Variants in SBK1 observed in about 807,000 individuals in gnomAD.
The protein encoded by SBK1 is serine/threonine-protein kinase SBK1.
SBK1 carries 11 observed loss-of-function variants against 24.4 expected under a neutral mutation model. The ratio of observed to expected loss-of-function variants is 0.45; its 90% CI spans 0.28 to 0.75. The LOEUF (loss-of-function observed/expected upper bound fraction) is 0.75, where lower values mean the gene tolerates loss of function less well. Among genes scored for constraint, SBK1 ranks in the 30% least tolerant of loss-of-function variants. The pLI, the probability that SBK1 is intolerant of heterozygous loss-of-function variation, is 0.12. For synonymous variants in SBK1, 308 were observed against 284.4 expected, an observed-to-expected ratio of 1.08 and a Z score of -0.83; for missense variants, 467 against 620.5, an observed-to-expected ratio of 0.75 and a Z score of 2.63.
Position 28,292,616 on chromosome 16 carries a change from G to A in SBK1, c.-692G>A. 1.1e-5 allele frequency: 11 copies of A among 982,120 alleles called. No homozygotes were observed. The highest frequency in any genetic ancestry group is 1.3e-5 in the Non-Finnish European group (11 of 828,474). The allele number at this position is 982,120 out of a possible 1,614,324, so 60.8% of individuals were successfully genotyped here. On this transcript the variant is annotated 5_prime_UTR_variant, in exon 1 of 4. Coordinates refer to ENST00000341901, the MANE Select transcript of SBK1 (RefSeq NM_001024401.3). ...AGCTGGAGCCGCAGCCGGAGCCCGGGCCAGGCCGGGGGCCGGGAGCGCAGG... is the reference window on the plus strand; with the variant it reads ...AGCTGGAGCCGCAGCCGGAGCCCGGACCAGGCCGGGGGCCGGGAGCGCAGG...
chr16:28,311,138 G>A (rs1369869548), intron 1 of SBK1, among the ~76,000 whole-genome samples: 3 of 152,210 alleles, frequency 2.0e-5, no homozygotes, highest in African/African-American at 7.2e-5. Flanking sequence ...TGAGCCCTGG[G>A]AACCAGGAAA....
intron 1 of SBK1, among the ~76,000 whole-genome samples, chr16:28,314,764 A>C (rs571190876): frequency 6.6e-6 from 1 of 152,182 alleles, no homozygotes; most frequent in Non-Finnish European, 1.5e-5. Context: ...GGATCACCTG[A>C]GGTCAAGAGT....
chr16:28,280,505 T>C (rs1284600136), intron 1 of SBK1, among the ~76,000 whole-genome samples: 2 of 150,516 alleles, frequency 1.3e-5, no homozygotes, highest in East Asian at 4.0e-4. Flanking sequence ...CAGGACTCAA[T>C]TTCTACCCCC....
chr16:28,291,061 C>T (rs1449837420), upstream of SBK1: 1 of 152,212 alleles, frequency 6.6e-6, no homozygotes, highest in Non-Finnish European at 1.5e-5. Flanking sequence ...CCTGTAGGTA[C>T]TTGCGTTTGC....
At chr16:28,296,801 C>G (rs1289322151) in intron 1 of SBK1, among the ~76,000 whole-genome samples, 1 of 152,198 alleles carries the variant, frequency 6.6e-6, no homozygotes, top group East Asian at 1.9e-4. Context: ...GTCCCAGGGA[C>G]AGCAAACCCG....
At chr16:28,312,785 A>T (rs2044762523) in intron 1 of SBK1, among the ~76,000 whole-genome samples, 1 of 152,210 alleles carries the variant, frequency 6.6e-6, no homozygotes. Context: ...GGACTGTTTG[A>T]GCCCAGGAGT....
intron 1 of SBK1, among the ~76,000 whole-genome samples, chr16:28,313,257 T>C (rs2044766589): frequency 6.6e-6 from 1 of 152,118 alleles, no homozygotes; most frequent in Non-Finnish European, 1.5e-5. Context: ...GGGGCACCAC[T>C]GCACTCCAGC....
intron 1 of SBK1, among the ~76,000 whole-genome samples, chr16:28,295,191 G>A (rs2044629974): frequency 6.6e-6 from 1 of 152,148 alleles, no homozygotes; most frequent in Admixed American, 6.5e-5. Context: ...GGAGGACAAG[G>A]AGCAAGACCT....
At chr16:28,307,341 C>T (rs1483113807) in intron 1 of SBK1, among the ~76,000 whole-genome samples, 1 of 152,108 alleles carries the variant, frequency 6.6e-6, no homozygotes, top group Non-Finnish European at 1.5e-5. Flanking sequence ...CAAAATCATC[C>T]ATCCAATAGG....
intron 1 of SBK1, among the ~76,000 whole-genome samples, chr16:28,296,603 C>T (rs978824736): frequency 6.6e-6 from 1 of 152,200 alleles, no homozygotes; most frequent in African/African-American, 2.4e-5. Context: ...CTCCCACCCC[C>T]ATGGTCAAGT....
At chr16:28,302,987 G>A (rs1051308566) in intron 1 of SBK1, among the ~76,000 whole-genome samples, 17 of 151,988 alleles carry the variant, frequency 1.1e-4, no homozygotes, top group African/African-American at 3.1e-4. Context: ...GTGCAGTAGG[G>A]CAATCCTGGT....
At position 28,292,902 on chromosome 16, in the gene SBK1, C is replaced by G; in HGVS notation, c.-406C>G. On this transcript the variant is annotated 5_prime_UTR_variant, in exon 1 of 4. Transcript: ENST00000341901. ...CCCTACGGCACCGCAAGGACTCCCC[C>G]TCCTCAGTCTGGGCCCCCGCCCCAA... 1 of 978,962 alleles carries G rather than the reference C, an allele frequency of 1.0e-6. No homozygotes were observed. The highest frequency in any genetic ancestry group is 1.2e-6 in the Non-Finnish European group (1 of 824,052). The allele number at this position is 978,962 out of a possible 1,614,324, so 60.6% of individuals were successfully genotyped here.
chr16:28,316,019 C>G (rs893119702), intron 1 of SBK1, among the ~76,000 whole-genome samples: 2 of 152,162 alleles, frequency 1.3e-5, no homozygotes, highest in African/African-American at 4.8e-5. Flanking sequence ...GCCCACTCAG[C>G]CTCCCAAAGT....
chr16:28,280,199 A>G (rs1198281758), intron 1 of SBK1, among the ~76,000 whole-genome samples: 2 of 132,714 alleles, frequency 1.5e-5, no homozygotes, highest in African/African-American at 2.7e-5. Context: ...ATATGTACAT[A>G]TATGTATATA....
chr16:28,306,265 G>A (rs764051859), intron 1 of SBK1, among the ~76,000 whole-genome samples: 6 of 152,196 alleles, frequency 3.9e-5, no homozygotes, highest in Non-Finnish European at 7.4e-5. Flanking sequence ...GGGAGAGCCC[G>A]CTTGAGAATA....
chr16:28,320,486 G>A lies in SBK1; in HGVS notation c.840G>A (p.Gln280=). 6.4e-7 allele frequency: 1 copy of A among 1,573,884 alleles called. No individual in the cohort carries two copies. Among genetic ancestry groups the A allele is most frequent in the Non-Finnish European group, 8.6e-7 (1 of 1,166,680 alleles). ...QRGRLPGLPS[Q]WRRFTEPALR... is the part of the protein sequence containing the mutation. ...GCCGCCTGCCGGGGCTGCCTTCGCAGTGGCGCCGCTTCACCGAGCCCGCGC... is the reference window on the plus strand; with the variant it reads ...GCCGCCTGCCGGGGCTGCCTTCGCAATGGCGCCGCTTCACCGAGCCCGCGC... Residue 280 remains glutamine, a synonymous_variant, in exon 4 of 4, where the codon CAG becomes CAA. Transcript: ENST00000341901. The surrounding 1 kb of genome is among the most constrained non-coding windows in gnomAD (Gnocchi z 8.5).
At chr16:28,266,734 T>TC (rs1491288783) in intron 1 of SBK1, among the ~76,000 whole-genome samples, 167 of 47,286 alleles carry the variant, frequency 3.5e-3, no homozygotes, top group African/African-American at 0.01. Context: ...TTTTCTTTTC[T>TC]TTTTTTTTTT....
chr16:28,279,439 C>T (rs1401274890), intron 1 of SBK1, among the ~76,000 whole-genome samples: 1 of 146,390 alleles, frequency 6.8e-6, no homozygotes, highest in Non-Finnish European at 1.5e-5. Flanking sequence ...AAAAAACCAC[C>T]ATCACAGGCT....
At position 28,317,271 on chromosome 16, in the gene SBK1, G is replaced by A; in HGVS notation, c.-7-114G>A. ...TGTCGCCCCCTTGTGGTTATCTTGG[G>A]CCTGGCATCCGGGCCCATCCTCAAG... On this transcript the variant is annotated intron_variant, in intron 1 of 3. Transcript: ENST00000341901. The surrounding 1 kb of genome is among the most constrained non-coding windows in gnomAD (Gnocchi z 4.2). 1 of 740,040 alleles carries A rather than the reference G, an allele frequency of 1.4e-6. No homozygotes were observed. The highest frequency in any genetic ancestry group is 2.2e-6 in the Non-Finnish European group (1 of 446,840). 45.8% of individuals were successfully genotyped at this position (740,040 alleles called of 1,614,324 possible). A position where few individuals can be genotyped will look rare whatever the true frequency, so the allele number is the denominator to read the frequency against.
Sources: gnomAD v4.1 joint callset for allele counts (sites outside exome capture counted in the v4.1 genomes callset) on GRCh38, gnomAD v4.1.1 for gene constraint, Gnocchi (gnomAD v3.1) non-coding constraint, MANE v1.5 for transcripts, NCBI Gene and HGNC (gene_info 2026-07-23, HGNC 2026-07-21) for gene names.